TSHZ3: variants seen among roughly 807,000 people sequenced by gnomAD.
TSHZ3 encodes the protein teashirt zinc finger homeobox 3.
Under a neutral mutation model 64.5 loss-of-function variants are expected in TSHZ3, and 10 were observed. The ratio of observed to expected loss-of-function variants is 0.16; its 90% CI spans 0.10 to 0.26. TSHZ3 has a LOEUF of 0.26. Ranked by LOEUF, TSHZ3 falls within the 10% of genes least tolerant of loss-of-function variation. TSHZ3 has a pLI of 1.00. For synonymous variants in TSHZ3, 608 were observed against 593.1 expected (o/e 1.03, Z -0.36); for missense variants, 1,242 against 1,421.7 (o/e 0.87, Z 2.03).
At chr19:31,178,107 T>A (rs1455657953) in intron 5 of TSHZ3, among the ~76,000 whole-genome samples, 2 of 152,164 alleles carry the variant, frequency 1.3e-5, no homozygotes, top group Admixed American at 1.3e-4. Context: ...AAACAACATA[T>A]GAAGATACTT....
chr19:31,302,710 TCA>T (rs1179382939), intron 1 of TSHZ3, among the ~76,000 whole-genome samples: 1 of 152,174 alleles, frequency 6.6e-6, no homozygotes, highest in Non-Finnish European at 1.5e-5. Context: ...ATTTTTCCTA[TCA>T]GAGTGTGTAG....
chr19:31,247,294 T>G (rs1296278159), intron 1 of TSHZ3, among the ~76,000 whole-genome samples: 1 of 152,202 alleles, frequency 6.6e-6, no homozygotes, highest in Non-Finnish European at 1.5e-5. Flanking sequence ...TGGAGAAAGC[T>G]GGCAACACCA....
intron 3 of TSHZ3, among the ~76,000 whole-genome samples, chr19:31,239,103 C>T (rs1975657570): frequency 6.6e-6 from 1 of 152,046 alleles, no homozygotes; most frequent in East Asian, 1.9e-4. Context: ...CAATATTATA[C>T]CTCTTCACAT....
At chr19:31,180,185 G>C (rs556410343) in intron 5 of TSHZ3, among the ~76,000 whole-genome samples, 1 of 152,174 alleles carries the variant, frequency 6.6e-6, no homozygotes, top group South Asian at 2.1e-4. Flanking sequence ...TGTCTAGCAG[G>C]GTATCTGCTA....
chr19:31,264,611 T>C (rs1242962362), intron 1 of TSHZ3, among the ~76,000 whole-genome samples: 2 of 152,192 alleles, frequency 1.3e-5, no homozygotes, highest in Non-Finnish European at 2.9e-5. Context: ...CCTGCTGTCA[T>C]GCAGGAATGT....
intron 1 of TSHZ3, among the ~76,000 whole-genome samples, chr19:31,245,588 C>A (rs940393657): frequency 3.3e-5 from 5 of 152,198 alleles, no homozygotes; most frequent in Non-Finnish European, 7.3e-5. Flanking sequence ...CTACATCTGA[C>A]AACTGCACTA....
At chr19:31,175,179 T>G (rs918996640) in intron 5 of TSHZ3, among the ~76,000 whole-genome samples, 1 of 152,174 alleles carries the variant, frequency 6.6e-6, no homozygotes, top group Admixed American at 6.5e-5. Context: ...CAGAGCTGGA[T>G]AGACACAGGT....
At chr19:31,349,478 GGGAGGAGGAGGCAGA>G, upstream of TSHZ3, 1 of 382,220 alleles carries the variant, frequency 2.6e-6, no homozygotes, top group Non-Finnish European at 4.6e-6. Context: ...GAGCACGGGG[GGGAGGAGGAGGCAGA>G]GGAGGAGGAG....
chr19:31,313,869 C>A (rs751642892), intron 1 of TSHZ3, among the ~76,000 whole-genome samples: 2 of 152,214 alleles, frequency 1.3e-5, no homozygotes, highest in Non-Finnish European at 2.9e-5. Flanking sequence ...CGGGTACCTG[C>A]ATCCTGGCAC....
intron 5 of TSHZ3, among the ~76,000 whole-genome samples, chr19:31,165,805 A>T (rs1974443086): frequency 1.3e-5 from 2 of 152,192 alleles, no homozygotes; most frequent in Admixed American, 1.3e-4. Flanking sequence ...CATAAATCTC[A>T]TCATGAGACA....
At chr19:31,191,230 T>C (rs549395760) in intron 5 of TSHZ3, among the ~76,000 whole-genome samples, 1 of 152,244 alleles carries the variant, frequency 6.6e-6, no homozygotes, top group South Asian at 2.1e-4. Flanking sequence ...AAGATATATG[T>C]AGACACATTA....
At chr19:31,274,936 A>C (rs1323013606), downstream of TSHZ3, 1 of 152,394 alleles carries the variant, frequency 6.6e-6, no homozygotes, top group Non-Finnish European at 1.5e-5. Context: ...TTGTGAACGC[A>C]ACACAAAATT....
At chr19:31,302,130 G>C (rs1336569081) in intron 1 of TSHZ3, among the ~76,000 whole-genome samples, 1 of 152,202 alleles carries the variant, frequency 6.6e-6, no homozygotes, top group East Asian at 1.9e-4. Flanking sequence ...AAAAGAGAGA[G>C]CCATGGTGCT....
intron 4 of TSHZ3, among the ~76,000 whole-genome samples, chr19:31,219,171 C>T (rs974612025): frequency 1.1e-4 from 16 of 152,232 alleles, no homozygotes; most frequent in African/African-American, 3.1e-4. Flanking sequence ...CTGGATTGGA[C>T]CCCAAAAATT....
At chr19:31,329,587 T>C (rs2867598) in intron 1 of TSHZ3, among the ~76,000 whole-genome samples, 35,368 of 152,212 alleles carry the variant, frequency 0.23, 5,090 homozygotes, top group East Asian at 0.56. Flanking sequence ...AATAAAATAG[T>C]GTTTTTAAAT....
chr19:31,211,757 G>A (rs1012737710), intron 4 of TSHZ3, among the ~76,000 whole-genome samples: 3 of 152,184 alleles, frequency 2.0e-5, no homozygotes, highest in African/African-American at 4.8e-5. Flanking sequence ...GTTTCAATCA[G>A]TGGATTTGGG....
intron 5 of TSHZ3, among the ~76,000 whole-genome samples, chr19:31,172,649 A>G (rs1408581935): frequency 6.6e-6 from 1 of 152,242 alleles, no homozygotes; most frequent in Non-Finnish European, 1.5e-5. Flanking sequence ...GAACATAAAG[A>G]TCATATTTTA....
intron 1 of TSHZ3, among the ~76,000 whole-genome samples, chr19:31,291,288 A>G (rs1976560941): frequency 6.6e-6 from 1 of 152,222 alleles, no homozygotes. Context: ...TGGGGCTCCC[A>G]AAACTGAGTT....
At chr19:31,165,697 T>C (rs937301617) in intron 5 of TSHZ3, among the ~76,000 whole-genome samples, 2 of 152,138 alleles carry the variant, frequency 1.3e-5, no homozygotes, top group African/African-American at 4.8e-5. Flanking sequence ...TGGGTATTTG[T>C]GTGTGTCCCC....
Sources: allele counts gnomAD v4.1 joint callset (sites outside exome capture counted in the v4.1 genomes callset), GRCh38; gene constraint gnomAD v4.1.1; transcripts MANE v1.5; gene names NCBI Gene and HGNC (gene_info 2026-07-23, HGNC 2026-07-21).